The following GPT2 variants were observed in gnomAD, a reference collection of about 807,000 sequenced individuals.
GPT2 encodes alanine aminotransferase 2.
GPT2 carries 30 observed loss-of-function variants against 56.9 expected under a neutral mutation model. The ratio of observed to expected loss-of-function variants is 0.53; its 90% CI spans 0.39 to 0.72. The LOEUF (loss-of-function observed/expected upper bound fraction) is 0.72, where lower values mean the gene tolerates loss of function less well. Ranked by LOEUF, GPT2 falls within the 30% of genes least tolerant of loss-of-function variation. The pLI, the probability that GPT2 is intolerant of heterozygous loss-of-function variation, is 0.00. For missense variants in GPT2, 542 were observed against 703.4 expected (o/e 0.77, Z 2.60); for synonymous variants, 271 against 283.1 (o/e 0.96, Z 0.43).
At chr16:46,890,846 A>G (rs1281214825) in intron 2 of GPT2, among the ~76,000 whole-genome samples, 2 of 152,146 alleles carry the variant, frequency 1.3e-5, no homozygotes, top group Non-Finnish European at 2.9e-5. Flanking sequence ...TAAAAAATAC[A>G]GGTTTTTTGT....
intron 9 of GPT2, chr16:46,923,901 AG>A: frequency 3.5e-6 from 1 of 286,034 alleles, no homozygotes; most frequent in South Asian, 3.7e-5. Context: ...ACAGACTGAC[AG>A]GCAACAACTG....
In GPT2 at chr16:46,928,925, A is replaced by G. The variant is rs779576259; in HGVS notation, c.1500A>G (p.Pro500=). 33 of 1,613,912 alleles carry G rather than the reference A, an allele frequency of 2.0e-5. No individual in the cohort carries two copies. In the East Asian group the frequency reaches 7.1e-4, roughly 35 times the overall value. Reference sequence around the variant, plus strand: ...CTGCCAGGATGACTATCCTCCCTCCAGTGGAGAAGCTGAAAACGGTGCTGC... The same window carrying G: ...CTGCCAGGATGACTATCCTCCCTCCGGTGGAGAAGCTGAAAACGGTGCTGC... ...TYHFRMTILP[P]VEKLKTVLQK... The change falls in exon 12 of 12, where the codon CCA becomes CCG. Residue 500 remains proline (P), a synonymous_variant. Coordinates refer to ENST00000340124, the MANE Select transcript of GPT2 (RefSeq NM_133443.4).
chr16:46,926,462 G>A (rs1008706148), intron 10 of GPT2, among the ~76,000 whole-genome samples: 2 of 151,302 alleles, frequency 1.3e-5, no homozygotes, highest in Admixed American at 1.3e-4. Context: ...AAAAAAAAAA[G>A]AATCCCTGAT....
chr16:46,906,386 T>G (rs1320820762), intron 4 of GPT2, among the ~76,000 whole-genome samples: 1 of 152,172 alleles, frequency 6.6e-6, no homozygotes, highest in Admixed American at 6.5e-5. Context: ...AGCCTAAGTG[T>G]TGGCCCACTC....
intron 2 of GPT2, chr16:46,885,535 T>C: frequency 2.0e-6 from 2 of 985,274 alleles, no homozygotes; most frequent in Non-Finnish European, 2.4e-6. Context: ...CTCTGGAGCC[T>C]TGGCCGACCA....
chr16:46,896,265 G>C (rs939336262), intron 2 of GPT2, among the ~76,000 whole-genome samples: 1 of 152,196 alleles, frequency 6.6e-6, no homozygotes, highest in African/African-American at 2.4e-5. Context: ...CACGTTTCCA[G>C]GTCCCTGTAA....
intron 1 of GPT2, 92 bp from the exon 2 acceptor site, chr16:46,884,600 TCG>T (rs1487666153): frequency 1.6e-6 from 2 of 1,248,962 alleles, no homozygotes; most frequent in African/African-American, 3.1e-5. Flanking sequence ...CTGGCACCGC[TCG>T]CTGAAAGAGC....
At chr16:46,927,657 A>G (rs1260323401) in intron 11 of GPT2, among the ~76,000 whole-genome samples, 1 of 152,060 alleles carries the variant, frequency 6.6e-6, no homozygotes, top group African/African-American at 2.4e-5. Context: ...GGCAGATGCT[A>G]AAAAAAAGAA....
At chr16:46,912,052 C>T (rs1961056504) in intron 6 of GPT2, among the ~76,000 whole-genome samples, 1 of 152,136 alleles carries the variant, frequency 6.6e-6, no homozygotes, top group African/African-American at 2.4e-5. Context: ...GAGAGTCAGT[C>T]AGCTGTGAGA....
At position 46,885,547 on chromosome 16, in the gene GPT2, C is replaced by A. The variant is rs114289963; in HGVS notation, c.243+589C>A. Reference sequence around the variant, plus strand: ...CCCCTCTGGAGCCTTGGCCGACCAGCCACTTCTGTGGTCTGGGGACAGTCA... The same window carrying A: ...CCCCTCTGGAGCCTTGGCCGACCAGACACTTCTGTGGTCTGGGGACAGTCA... On this transcript the variant is annotated intron_variant, in intron 2 of 11. Transcript: ENST00000340124. 1,965 of 985,176 alleles carry A rather than the reference C, an allele frequency of 2.0e-3. 32 individuals are homozygous for A. In the African/African-American group the frequency reaches 0.032, roughly 16 times the overall value. 61.0% of individuals were successfully genotyped at this position (985,176 alleles called of 1,614,324 possible).
intron 4 of GPT2, among the ~76,000 whole-genome samples, chr16:46,901,712 C>T (rs919573713): frequency 1.3e-5 from 2 of 152,268 alleles, no homozygotes; most frequent in East Asian, 1.9e-4. Flanking sequence ...CCGCCACCCC[C>T]GCCAACTTTT....
chr16:46,912,848 T>C (rs2143492216), intron 6 of GPT2, among the ~76,000 whole-genome samples: 1 of 152,226 alleles, frequency 6.6e-6, no homozygotes, highest in African/African-American at 2.4e-5. Context: ...CATTTCAATG[T>C]GAGATTTGGG....
intron 3 of GPT2, among the ~76,000 whole-genome samples, chr16:46,899,797 C>T (rs542352274): frequency 1.3e-5 from 2 of 152,338 alleles, no homozygotes; most frequent in Admixed American, 6.5e-5. Context: ...TGGCAGGCTT[C>T]AGAACAGGCC....
intron 8 of GPT2, among the ~76,000 whole-genome samples, chr16:46,920,777 G>A (rs180829421): frequency 2.0e-5 from 3 of 152,186 alleles, no homozygotes; most frequent in South Asian, 4.1e-4. Flanking sequence ...CTCCTTGCTT[G>A]ACTTCCTTTT....
At chr16:46,902,332 A>G (rs1164437349) in intron 4 of GPT2, among the ~76,000 whole-genome samples, 1 of 152,158 alleles carries the variant, frequency 6.6e-6, no homozygotes, top group Non-Finnish European at 1.5e-5. Flanking sequence ...CTCATCCTTC[A>G]GCCAGGAAGT....
chr16:46,926,331 T>C (rs1429571667), intron 10 of GPT2, among the ~76,000 whole-genome samples: 17 of 149,342 alleles, frequency 1.1e-4, no homozygotes, highest in African/African-American at 4.2e-4. Flanking sequence ...TGCCTGTAAT[T>C]CCAGTTACTC....
chr16:46,927,534 A>G (rs547766962), intron 11 of GPT2, among the ~76,000 whole-genome samples: 17 of 152,274 alleles, frequency 1.1e-4, no homozygotes, highest in African/African-American at 4.1e-4. Context: ...CCCTGCATGG[A>G]TGGGAATGCC....
intron 3 of GPT2, among the ~76,000 whole-genome samples, chr16:46,898,932 A>G (rs548568816): frequency 2.3e-3 from 298 of 132,360 alleles, no homozygotes; most frequent in African/African-American, 8.6e-3. Context: ...ATATATGTGT[A>G]TATATATACA....
intron 3 of GPT2, among the ~76,000 whole-genome samples, chr16:46,899,005 AT>A (rs1567335187): frequency 2.0e-3 from 4 of 2,014 alleles, no homozygotes; most frequent in Non-Finnish European, 7.1e-3. Context: ...ACACATATAT[AT>A]ATATATATAT....
Sources: allele counts gnomAD v4.1 joint callset (sites outside exome capture counted in the v4.1 genomes callset), GRCh38; gene constraint gnomAD v4.1.1; transcripts MANE v1.5; gene names NCBI Gene and HGNC (gene_info 2026-07-23, HGNC 2026-07-21).